Variants in PPP1R12A observed in about 807,000 individuals in gnomAD.
The protein encoded by PPP1R12A is myosin binding subunit.
Under a neutral mutation model 139.6 loss-of-function variants are expected in PPP1R12A, and 19 were observed. The ratio of observed to expected loss-of-function variants is 0.14; its 90% CI spans 0.09 to 0.20. The LOEUF is 0.20. PPP1R12A is among the 10% of genes least tolerant of loss of function. PPP1R12A has a pLI of 1.00. For synonymous variants in PPP1R12A, 427 were observed against 420.6 expected (o/e 1.02, Z -0.19); for missense variants, 925 against 1,211.5 (o/e 0.76, Z 3.51).
intron 1 of PPP1R12A, among the ~76,000 whole-genome samples, chr12:79,901,048 T>C (rs1885592289): frequency 6.6e-6 from 1 of 152,180 alleles, no homozygotes. Flanking sequence ...ACTTCTATTT[T>C]GGGTGGAAGG....
chr12:79,814,216 G>A (rs1874966812), intron 9 of PPP1R12A, among the ~76,000 whole-genome samples: 1 of 152,076 alleles, frequency 6.6e-6, no homozygotes, highest in Non-Finnish European at 1.5e-5. Context: ...GGTGGCTCAC[G>A]CCTGTAATCC....
chr12:79,921,647 A>G lies in PPP1R12A; in HGVS notation c.237+13048T>C, dbSNP rs557498855. ...TGCCACCTCAACTAGATTGTATACT[A>G]CATGTAGCCAGGGACCACTGTTTTT... On this transcript the variant is annotated intron_variant, in intron 1 of 24. Coordinates refer to ENST00000450142, the MANE Select transcript of PPP1R12A (RefSeq NM_002480.3). Among the ~76,000 whole-genome samples the G allele has an allele frequency of 6.6e-5, 10 of 152,302 alleles. No homozygotes were observed. The South Asian group carries it at 2.1e-3, about 32-fold the overall frequency.
intron 5 of PPP1R12A, among the ~76,000 whole-genome samples, chr12:79,827,723 T>C (rs79858957): frequency 0.038 from 5,834 of 152,204 alleles, 425 homozygotes; most frequent in East Asian, 0.29. Context: ...TTCTACGTAA[T>C]TGTGGTATTA....
chr12:79,819,140 TGAGTA>T (rs1198634942), intron 8 of PPP1R12A: 5 of 152,192 alleles, frequency 3.3e-5, no homozygotes, highest in African/African-American at 9.7e-5. Flanking sequence ...AGTGAGAAAC[TGAGTA>T]GAGAGCAATT....
At chr12:79,872,765 T>C (rs1214789124) in intron 2 of PPP1R12A, 43 bp downstream of exon 2, 1 of 1,591,848 alleles carries the variant, frequency 6.3e-7, no homozygotes, top group East Asian at 2.2e-5. Flanking sequence ...TTCAGGTCTG[T>C]CAAACAGTAT....
chr12:79,837,259 A>C (rs1201386826), intron 3 of PPP1R12A, among the ~76,000 whole-genome samples: 3 of 152,182 alleles, frequency 2.0e-5, no homozygotes, highest in Non-Finnish European at 4.4e-5. Flanking sequence ...AGAGCAGTAA[A>C]TATTAAAATA....
At chr12:79,874,584 A>G (rs1230221825) in intron 1 of PPP1R12A, among the ~76,000 whole-genome samples, 1 of 152,106 alleles carries the variant, frequency 6.6e-6, no homozygotes, top group African/African-American at 2.4e-5. Flanking sequence ...CTAAGACTAT[A>G]AATATTAATA....
chr12:79,808,604 A>G, intron 10 of PPP1R12A, 27 bp from the exon 11 acceptor site: 1 of 1,431,460 alleles, frequency 7.0e-7, no homozygotes, highest in Non-Finnish European at 9.8e-7. Flanking sequence ...AAAATAAGTA[A>G]AAATTAATTT....
chr12:79,820,969 CA>C (rs756972479), intron 7 of PPP1R12A, 38 bp from the exon 8 acceptor site: 2 of 1,608,184 alleles, frequency 1.2e-6, no homozygotes, highest in Admixed American at 1.7e-5. Context: ...ATTAGAAATA[CA>C]AAAGGTTAAA....
chr12:79,810,431 G>C (rs1592649101), intron 9 of PPP1R12A, among the ~76,000 whole-genome samples: 1 of 152,098 alleles, frequency 6.6e-6, no homozygotes, highest in African/African-American at 2.4e-5. Flanking sequence ...CAAGAACAAT[G>C]CCAGTTTTGC....
intron 1 of PPP1R12A, among the ~76,000 whole-genome samples, chr12:79,908,659 T>A (rs1205061285): frequency 6.6e-6 from 1 of 152,194 alleles, no homozygotes; most frequent in Non-Finnish European, 1.5e-5. Flanking sequence ...CACAATGTCT[T>A]CTGATATAGG....
chr12:79,863,669 A>C (rs1881624726), intron 2 of PPP1R12A, among the ~76,000 whole-genome samples: 1 of 119,230 alleles, frequency 8.4e-6, no homozygotes, highest in Non-Finnish European at 1.8e-5. Context: ...AAAAAAAAAA[A>C]AAGAGCAGGG....
rs552820925 is a variant in PPP1R12A at position 79,820,910 on chromosome 12, T to C, written c.978A>G (p.Glu326=). 3 of 1,613,500 alleles carry C rather than the reference T, an allele frequency of 1.9e-6. No homozygotes were observed. In the East Asian group the frequency reaches 6.7e-5, roughly 36 times the overall value. The change falls in exon 8 of 25, where the codon GAA becomes GAG. Residue 326 remains glutamate (E), a synonymous_variant. Transcript: ENST00000450142. ...CAATACGGGATGCATTTTTCTCTGG[T>C]TCAATAATCAACGTCTCTTTGCTGT... The part of the protein sequence containing the change: ...TFKNKETLII[E]PEKNASRIES...
chr12:79,846,007 A>G (rs1879340380), intron 2 of PPP1R12A, among the ~76,000 whole-genome samples: 1 of 151,668 alleles, frequency 6.6e-6, no homozygotes, highest in Non-Finnish European at 1.5e-5. Context: ...TCCCAATCTC[A>G]TCCCGCAAAC....
intron 22 of PPP1R12A, among the ~76,000 whole-genome samples, chr12:79,784,476 C>G (rs1212616507): frequency 1.3e-5 from 2 of 152,128 alleles, no homozygotes; most frequent in East Asian, 3.9e-4. Flanking sequence ...CTAATTCTAT[C>G]AATTCCCCTC....
chr12:79,837,728 T>A (rs1254624231), intron 3 of PPP1R12A, among the ~76,000 whole-genome samples: 2 of 152,172 alleles, frequency 1.3e-5, no homozygotes, highest in Non-Finnish European at 2.9e-5. Context: ...TTTTCCTCTT[T>A]GTTCAGCATG....
At chr12:79,867,286 A>G (rs1052122230) in intron 2 of PPP1R12A, among the ~76,000 whole-genome samples, 19 of 152,118 alleles carry the variant, frequency 1.2e-4, no homozygotes, top group African/African-American at 4.6e-4. Context: ...ACATGGACAC[A>G]GGGATGGGAA....
At chr12:79,811,072 A>G (rs1204022101) in intron 9 of PPP1R12A, among the ~76,000 whole-genome samples, 1 of 152,170 alleles carries the variant, frequency 6.6e-6, no homozygotes, top group Admixed American at 6.5e-5. Flanking sequence ...GAAATTCTAT[A>G]CTCAACCACA....
chr12:79,907,627 G>T (rs1272460619), intron 1 of PPP1R12A, among the ~76,000 whole-genome samples: 1 of 152,160 alleles, frequency 6.6e-6, no homozygotes, highest in Non-Finnish European at 1.5e-5. Flanking sequence ...GTTCAGGCAT[G>T]GTGGCTCACG....
Sources: allele counts gnomAD v4.1 joint callset (sites outside exome capture counted in the v4.1 genomes callset), GRCh38; gene constraint gnomAD v4.1.1; transcripts MANE v1.5; gene names NCBI Gene and HGNC (gene_info 2026-07-23, HGNC 2026-07-21).